RAP1GDS1: variants seen among roughly 807,000 people sequenced by gnomAD.
RAP1GDS1 encodes the protein Rap1 GTPase-GDP dissociation stimulator 1.
RAP1GDS1 carries 35 observed loss-of-function variants against 71.1 expected under a neutral mutation model. The ratio of observed to expected loss-of-function variants is 0.49; its 90% CI spans 0.38 to 0.65. The LOEUF is 0.65. Ranked by LOEUF, RAP1GDS1 falls within the 30% of genes least tolerant of loss-of-function variation. The probability of loss-of-function intolerance (pLI) is 0.00; values close to 1 mark genes in which losing one functional copy is unlikely to be tolerated. For synonymous variants in RAP1GDS1, 229 were observed against 243.1 expected (o/e 0.94, Z 0.54); for missense variants, 663 against 706.1 (o/e 0.94, Z 0.69).
At chr4:98,415,525 G>T (rs1747822314) in intron 7 of RAP1GDS1, among the ~76,000 whole-genome samples, 1 of 152,140 alleles carries the variant, frequency 6.6e-6, no homozygotes, top group Admixed American at 6.5e-5. Context: ...ACCATTTGGG[G>T]TCCCTGACTT....
At chr4:98,369,807 T>G (rs1175045113) in intron 4 of RAP1GDS1, among the ~76,000 whole-genome samples, 1 of 152,216 alleles carries the variant, frequency 6.6e-6, no homozygotes, top group East Asian at 1.9e-4. Context: ...CACTCATCAG[T>G]TAAACACACT....
chr4:98,302,283 A>T (rs1728679166), intron 2 of RAP1GDS1, among the ~76,000 whole-genome samples: 1 of 152,178 alleles, frequency 6.6e-6, no homozygotes, highest in African/African-American at 2.4e-5. Context: ...ACCAAAGTGA[A>T]CACCAGGAAG....
chr4:98,436,174 C>T (rs1050803999), intron 13 of RAP1GDS1, among the ~76,000 whole-genome samples: 7 of 151,990 alleles, frequency 4.6e-5, no homozygotes, highest in East Asian at 3.9e-4. Context: ...TAGCACCTTT[C>T]GTTGAAAAGC....
chr4:98,419,839 C>T lies in RAP1GDS1; in HGVS notation c.1175-180C>T, dbSNP rs376755261. On this transcript the variant is annotated intron_variant, in intron 10 of 14. Coordinates refer to ENST00000408927, the MANE Select transcript of RAP1GDS1 (RefSeq NM_001100427.2). ...TATCCGCTTATACACAAATAGGATA[C>T]GGACACACACATAAACAACTGAATT... 7.6e-4 allele frequency among the ~76,000 whole-genome samples: 116 copies of T among 152,154 alleles called. 4 individuals are homozygous for T. In the South Asian group the frequency reaches 0.018, roughly 24 times the overall value.
chr4:98,265,420 C>T (rs575239963), intron 1 of RAP1GDS1, among the ~76,000 whole-genome samples: 1 of 152,088 alleles, frequency 6.6e-6, no homozygotes, highest in Non-Finnish European at 1.5e-5. Flanking sequence ...AGGACGTTGT[C>T]ATATTAGGAT....
chr4:98,429,419 T>C (rs962574509), intron 12 of RAP1GDS1, among the ~76,000 whole-genome samples: 1 of 152,154 alleles, frequency 6.6e-6, no homozygotes, highest in African/African-American at 2.4e-5. Flanking sequence ...CATCATATGT[T>C]CTTACTTATA....
intron 2 of RAP1GDS1, among the ~76,000 whole-genome samples, chr4:98,331,240 A>G (rs1315088656): frequency 6.6e-6 from 1 of 152,142 alleles, no homozygotes; most frequent in African/African-American, 2.4e-5. Context: ...AGCCGAGATC[A>G]CGGCAGTACA....
chr4:98,319,315 GATA>G (rs1205976202), intron 2 of RAP1GDS1, among the ~76,000 whole-genome samples: 2 of 152,074 alleles, frequency 1.3e-5, no homozygotes, highest in Non-Finnish European at 2.9e-5. Flanking sequence ...GTGTAATGGT[GATA>G]ATATCGTACT....
chr4:98,307,598 T>C (rs1729515049), intron 2 of RAP1GDS1, among the ~76,000 whole-genome samples: 1 of 152,172 alleles, frequency 6.6e-6, no homozygotes, highest in Admixed American at 6.5e-5. Context: ...ACATTACTTT[T>C]TAAAAATATT....
At chr4:98,285,293 G>C (rs1043906580) in intron 1 of RAP1GDS1, among the ~76,000 whole-genome samples, 1 of 152,018 alleles carries the variant, frequency 6.6e-6, no homozygotes, top group South Asian at 2.1e-4. Flanking sequence ...TTCTTTACTT[G>C]TTCTTTATTC....
intron 2 of RAP1GDS1, among the ~76,000 whole-genome samples, chr4:98,310,951 C>T (rs1437662751): frequency 1.3e-5 from 2 of 151,224 alleles, no homozygotes; most frequent in African/African-American, 4.9e-5. Flanking sequence ...ATGGCTCACA[C>T]AAATGCTTCT....
At chr4:98,277,032 G>C (rs996441454) in intron 1 of RAP1GDS1, among the ~76,000 whole-genome samples, 1 of 152,120 alleles carries the variant, frequency 6.6e-6, no homozygotes, top group African/African-American at 2.4e-5. Context: ...GTCAGGCCTA[G>C]AATGTTGATC....
chr4:98,266,730 A>C (rs1393727325), intron 1 of RAP1GDS1, among the ~76,000 whole-genome samples: 1 of 152,180 alleles, frequency 6.6e-6, no homozygotes, highest in African/African-American at 2.4e-5. Context: ...GAAAGGTTGA[A>C]TTCACTATCC....
At chr4:98,416,623 T>A in intron 7 of RAP1GDS1, 122 bp from the exon 8 acceptor site, 1 of 875,808 alleles carries the variant, frequency 1.1e-6, no homozygotes, top group Non-Finnish European at 1.6e-6. Context: ...GTGCTGGGAT[T>A]ACAGGCGTGA....
chr4:98,305,969 A>G (rs1377992677), intron 2 of RAP1GDS1, among the ~76,000 whole-genome samples: 2 of 152,322 alleles, frequency 1.3e-5, no homozygotes, highest in East Asian at 3.9e-4. Flanking sequence ...TATTTATAGT[A>G]CCAGTACTGA....
intron 7 of RAP1GDS1, among the ~76,000 whole-genome samples, chr4:98,413,117 G>T (rs549279520): frequency 6.6e-6 from 1 of 152,048 alleles, no homozygotes; most frequent in Non-Finnish European, 1.5e-5. Context: ...CAGGAGACCA[G>T]GGCGTATTTC....
At chr4:98,270,419 T>C (rs993377884) in intron 1 of RAP1GDS1, among the ~76,000 whole-genome samples, 8 of 152,216 alleles carry the variant, frequency 5.3e-5, no homozygotes, top group Admixed American at 5.2e-4. Context: ...CAAATGGTAA[T>C]GTATACTTGA....
chr4:98,351,534 CA>C, intron 3 of RAP1GDS1, among the ~76,000 whole-genome samples: 1 of 152,026 alleles, frequency 6.6e-6, no homozygotes, highest in East Asian at 1.9e-4. Context: ...TTTAGTAGGA[CA>C]GGTTATAGAT....
intron 4 of RAP1GDS1, among the ~76,000 whole-genome samples, chr4:98,361,359 A>C (rs1298027608): frequency 6.6e-6 from 1 of 152,112 alleles, no homozygotes; most frequent in Non-Finnish European, 1.5e-5. Flanking sequence ...AATTACATAC[A>C]TTATTATCTA....
Sources: allele counts gnomAD v4.1 joint callset (sites outside exome capture counted in the v4.1 genomes callset), GRCh38; gene constraint gnomAD v4.1.1; transcripts MANE v1.5; gene names NCBI Gene and HGNC (gene_info 2026-07-23, HGNC 2026-07-21).